FER: variants seen among roughly 807,000 people sequenced by gnomAD.
FER encodes the protein FER tyrosine kinase, also known as tyrosine-protein kinase Fer.
Under a neutral mutation model 111.0 loss-of-function variants are expected in FER, and 63 were observed. The ratio of observed to expected loss-of-function variants is 0.57; its 90% CI spans 0.46 to 0.70. The LOEUF is 0.70. Among genes scored for constraint, FER ranks in the 30% least tolerant of loss-of-function variants. The probability of loss-of-function intolerance (pLI) is 0.00; values close to 1 mark genes in which losing one functional copy is unlikely to be tolerated. For synonymous variants in FER, 327 were observed against 313.9 expected (o/e 1.04, Z -0.44); for missense variants, 914 against 954.0 (o/e 0.96, Z 0.55).
intron 2 of FER, among the ~76,000 whole-genome samples, chr5:108,778,480 T>A (rs1387147326): frequency 2.6e-5 from 4 of 152,222 alleles, no homozygotes; most frequent in African/African-American, 7.2e-5. Context: ...TTCCACATCC[T>A]CACCAGCATT....
At chr5:109,082,891 T>C (rs1777153224) in intron 16 of FER, among the ~76,000 whole-genome samples, 1 of 152,008 alleles carries the variant, frequency 6.6e-6, no homozygotes, top group Non-Finnish European at 1.5e-5. Context: ...TGTGGAAATC[T>C]GTCAGACCTA....
intron 2 of FER, among the ~76,000 whole-genome samples, chr5:108,788,852 G>T (rs1399769551): frequency 6.6e-6 from 1 of 152,096 alleles, no homozygotes; most frequent in African/African-American, 2.4e-5. Flanking sequence ...TATTGATACT[G>T]TCATGATTAT....
chr5:109,107,648 CAAGGACTGA>C (rs1213400760), intron 17 of FER, among the ~76,000 whole-genome samples: 2 of 152,112 alleles, frequency 1.3e-5, no homozygotes, highest in Non-Finnish European at 2.9e-5. Context: ...TCACAGAACT[CAAGGACTGA>C]AAGTTCAGCC....
In FER at chr5:109,140,423, T is replaced by C. The variant is rs143591726; in HGVS notation, c.2048+39904T>C. On this transcript the variant is annotated intron_variant, in intron 17 of 19. Transcript: ENST00000281092. ...CATCTGCATTCCATGGAAAAAAAGT[T>C]TGGCTATCATTTGTAAGAGTATGAT... Among the ~76,000 whole-genome samples the C allele has an allele frequency of 2.6e-5, 4 of 152,302 alleles. No homozygotes were observed. The East Asian group carries it at 7.7e-4, about 29-fold the overall frequency.
intron 5 of FER, among the ~76,000 whole-genome samples, chr5:108,849,344 C>A (rs116302538): frequency 6.6e-6 from 1 of 151,950 alleles, no homozygotes; most frequent in African/African-American, 2.4e-5. Flanking sequence ...ATTTTTTTCC[C>A]CTTGTCTTTT....
chr5:109,025,832 G>C (rs1001082934), intron 13 of FER, among the ~76,000 whole-genome samples: 4 of 151,854 alleles, frequency 2.6e-5, no homozygotes, highest in Non-Finnish European at 4.4e-5. Flanking sequence ...TAGCATGAAG[G>C]GTTGTTGAAT....
At chr5:108,987,780 T>A (rs940618247) in intron 13 of FER, among the ~76,000 whole-genome samples, 7 of 152,086 alleles carry the variant, frequency 4.6e-5, no homozygotes, top group African/African-American at 1.7e-4. Context: ...TGGATGCCCT[T>A]TATTTTTTTT....
chr5:109,117,399 A>G (rs1029685343), intron 17 of FER, among the ~76,000 whole-genome samples: 2 of 152,266 alleles, frequency 1.3e-5, no homozygotes, highest in African/African-American at 4.8e-5. Flanking sequence ...CTTATAAACC[A>G]TAAGGACATT....
At chr5:108,996,546 G>A (rs1254469472) in intron 13 of FER, among the ~76,000 whole-genome samples, 1 of 152,096 alleles carries the variant, frequency 6.6e-6, no homozygotes, top group African/African-American at 2.4e-5. Flanking sequence ...GTTTTTGTCA[G>A]GTTTGTCAAA....
chr5:108,793,153 T>C (rs563031881), intron 2 of FER, among the ~76,000 whole-genome samples: 6 of 152,218 alleles, frequency 3.9e-5, no homozygotes, highest in African/African-American at 1.4e-4. Flanking sequence ...ATCCCAACTT[T>C]CCCCCTGCTT....
chr5:109,189,945 T>A lies in FER; in HGVS notation c.*2370T>A, dbSNP rs1759260051. On this transcript the variant is annotated 3_prime_UTR_variant, in exon 20 of 20. Coordinates refer to ENST00000281092, the MANE Select transcript of FER (RefSeq NM_005246.4). Reference sequence around the variant, plus strand: ...AAAACATCGTGACATGTGTAGCATTTAAATTCCATTTTATTCTTTGTCCTA... The same window carrying A: ...AAAACATCGTGACATGTGTAGCATTAAAATTCCATTTTATTCTTTGTCCTA... 6.6e-6 allele frequency: 1 copy of A among 152,232 alleles called. No homozygotes were observed. The highest frequency in any genetic ancestry group is 1.5e-5 in the Non-Finnish European group (1 of 68,032). 9.4% of individuals were successfully genotyped at this position (152,232 alleles called of 1,614,324 possible).
At chr5:109,022,528 A>T (rs977473203) in intron 13 of FER, among the ~76,000 whole-genome samples, 2 of 152,122 alleles carry the variant, frequency 1.3e-5, no homozygotes, top group African/African-American at 4.8e-5. Context: ...AATGGAAAAG[A>T]AGATGTCACA....
intron 13 of FER, among the ~76,000 whole-genome samples, chr5:109,022,219 T>C (rs1042927664): frequency 2.6e-5 from 4 of 151,894 alleles, no homozygotes; most frequent in African/African-American, 9.7e-5. Flanking sequence ...CCCAAGCTAA[T>C]GACTGAAGTC....
At chr5:109,119,060 G>C (rs890465239) in intron 17 of FER, among the ~76,000 whole-genome samples, 2 of 151,788 alleles carry the variant, frequency 1.3e-5, no homozygotes, top group African/African-American at 4.8e-5. Context: ...GCTTTTGAAT[G>C]TGTTTGCTCT....
At chr5:109,091,102 A>G (rs536167909) in intron 16 of FER, among the ~76,000 whole-genome samples, 2 of 152,350 alleles carry the variant, frequency 1.3e-5, no homozygotes, top group African/African-American at 4.8e-5. Flanking sequence ...AACCAATTTA[A>G]TAAGGAAATT....
At chr5:108,785,774 C>T (rs2150009070) in intron 2 of FER, among the ~76,000 whole-genome samples, 1 of 152,338 alleles carries the variant, frequency 6.6e-6, no homozygotes, top group Middle Eastern at 3.4e-3. Context: ...GGGCTGCCTT[C>T]TGCCCCTAGG....
chr5:109,071,991 T>G (rs528384876), intron 16 of FER, among the ~76,000 whole-genome samples: 6 of 151,238 alleles, frequency 4.0e-5, no homozygotes, highest in African/African-American at 1.5e-4. Context: ...ATTTTGAGTG[T>G]GCGTTATGTT....
At chr5:109,123,623 T>G (rs369354603) in intron 17 of FER, among the ~76,000 whole-genome samples, 1 of 152,206 alleles carries the variant, frequency 6.6e-6, no homozygotes, top group Non-Finnish European at 1.5e-5. Flanking sequence ...CTGATGTCAA[T>G]TTATCACTGG....
chr5:108,874,398 T>C (rs1278962309), intron 8 of FER, among the ~76,000 whole-genome samples: 4 of 152,278 alleles, frequency 2.6e-5, no homozygotes, highest in East Asian at 1.9e-4. Flanking sequence ...GGTAGAAGTT[T>C]TAATTGCTCA....
Sources: allele counts gnomAD v4.1 joint callset (sites outside exome capture counted in the v4.1 genomes callset), GRCh38; gene constraint gnomAD v4.1.1; transcripts MANE v1.5; gene names NCBI Gene and HGNC (gene_info 2026-07-23, HGNC 2026-07-21).